Variants in TAFA1 observed in about 807,000 individuals in gnomAD.
The protein encoded by TAFA1 is chemokine-like protein TAFA-1.
TAFA1 carries 4 observed loss-of-function variants against 18.5 expected under a neutral mutation model. The ratio of observed to expected loss-of-function variants is 0.22; its 90% CI spans 0.11 to 0.49. TAFA1 has a LOEUF of 0.49. TAFA1 is among the 20% of genes least tolerant of loss of function. The pLI is 0.98. For synonymous variants in TAFA1, 56 were observed against 55.2 expected, an observed-to-expected ratio of 1.01 and a Z score of -0.06; for missense variants, 147 against 169.0, an observed-to-expected ratio of 0.87 and a Z score of 0.72.
chr3:68,291,196 C>T (rs1164903666), intron 2 of TAFA1, among the ~76,000 whole-genome samples: 2 of 152,116 alleles, frequency 1.3e-5, no homozygotes, highest in Non-Finnish European at 2.9e-5. Flanking sequence ...ATAACTTCAG[C>T]TCACATTAAA....
intron 2 of TAFA1, among the ~76,000 whole-genome samples, chr3:68,051,435 G>T (rs1472390120): frequency 6.6e-6 from 1 of 152,084 alleles, no homozygotes; most frequent in Non-Finnish European, 1.5e-5. Context: ...GGGCAATTTT[G>T]CCACCTAGGG....
intron 3 of TAFA1, among the ~76,000 whole-genome samples, chr3:68,421,543 CTGATAGAATGACATTTT>C (rs1575852181): frequency 1.3e-5 from 2 of 152,150 alleles, no homozygotes. Flanking sequence ...GTACCTATTA[CTGATAGAATGACATTTT>C]TGATAGAATG....
At chr3:68,218,272 G>C (rs929301411) in intron 2 of TAFA1, among the ~76,000 whole-genome samples, 1 of 152,080 alleles carries the variant, frequency 6.6e-6, no homozygotes, top group Non-Finnish European at 1.5e-5. Flanking sequence ...ACAGCTTTAA[G>C]AAATAAATGA....
intron 2 of TAFA1, among the ~76,000 whole-genome samples, chr3:68,189,844 TG>T (rs1232709020): frequency 6.6e-6 from 1 of 151,920 alleles, no homozygotes; most frequent in African/African-American, 2.4e-5. Flanking sequence ...CCGTTAATAT[TG>T]CTGTTGTCAC....
chr3:68,502,433 A>G (rs2072674403), intron 3 of TAFA1, among the ~76,000 whole-genome samples: 1 of 152,146 alleles, frequency 6.6e-6, no homozygotes. Context: ...TTTGGGCATT[A>G]ATATCCTAAT....
At chr3:68,211,410 A>G (rs928074940) in intron 2 of TAFA1, among the ~76,000 whole-genome samples, 11 of 152,062 alleles carry the variant, frequency 7.2e-5, no homozygotes, top group Non-Finnish European at 1.5e-5. Flanking sequence ...TAATGCCTTC[A>G]TTTTCATAAT....
At chr3:68,532,093 T>A (rs1015627231) in intron 3 of TAFA1, among the ~76,000 whole-genome samples, 1 of 152,126 alleles carries the variant, frequency 6.6e-6, no homozygotes, top group East Asian at 1.9e-4. Context: ...GGACAACAGA[T>A]CCACAGAGGA....
rs149303820 is a variant in TAFA1 at position 68,014,535 on chromosome 3, C to T, written c.118+7791C>T. On this transcript the variant is annotated intron_variant, in intron 2 of 4. Coordinates refer to ENST00000478136, the MANE Select transcript of TAFA1 (RefSeq NM_213609.4). ...CAAATTGCAAAGCTCCAGATGAGAG[C>T]GTGGGAAGGAATTCAACAATTTTCA... Among the ~76,000 whole-genome samples the T allele has an allele frequency of 1.4e-3, 213 of 152,150 alleles. 1 individual carries two copies. The highest frequency in any genetic ancestry group is 4.6e-3 in the African/African-American group (190 of 41,530).
intron 3 of TAFA1, among the ~76,000 whole-genome samples, chr3:68,529,350 C>G (rs2073154371): frequency 6.7e-6 from 1 of 148,202 alleles, no homozygotes; most frequent in African/African-American, 2.5e-5. Flanking sequence ...CTTCTTCCAT[C>G]TTACACACTA....
At chr3:68,508,337 A>G (rs777630584) in intron 3 of TAFA1, among the ~76,000 whole-genome samples, 2 of 152,038 alleles carry the variant, frequency 1.3e-5, no homozygotes, top group Non-Finnish European at 2.9e-5. Context: ...CATGCAGTCC[A>G]TAACTACCTG....
chr3:68,219,605 C>A (rs2066705273), intron 2 of TAFA1, among the ~76,000 whole-genome samples: 1 of 152,082 alleles, frequency 6.6e-6, no homozygotes, highest in Non-Finnish European at 1.5e-5. Context: ...TCACATAGGG[C>A]TGTTTGCTTT....
intron 3 of TAFA1, among the ~76,000 whole-genome samples, chr3:68,429,481 T>C (rs1376240644): frequency 6.6e-6 from 1 of 151,766 alleles, no homozygotes; most frequent in East Asian, 1.9e-4. Flanking sequence ...CTGGAAATAA[T>C]GGGCAGAAGA....
At chr3:68,285,463 C>CAT (rs571252912) in intron 2 of TAFA1, among the ~76,000 whole-genome samples, 5 of 151,426 alleles carry the variant, frequency 3.3e-5, no homozygotes, top group African/African-American at 4.9e-5. Flanking sequence ...TATATAGCAA[C>CAT]ATATATATAT....
rs752597708 is a variant in TAFA1 at position 68,499,446 on chromosome 3, C to CTTTT, written c.260-39295_260-39292dup. On this transcript the variant is annotated intron_variant, in intron 3 of 4. Coordinates refer to ENST00000478136, the MANE Select transcript of TAFA1 (RefSeq NM_213609.4). ...GTTTTCTTTCTTTCTGTGTTCCTTT[C>CTTTT]TTTTTTTTTTTTTTTTTTGAGAAGA... Among the ~76,000 whole-genome samples the CTTTT allele has an allele frequency of 4.0e-3, 454 of 112,124 alleles. 8 individuals carry two copies. Among genetic ancestry groups the CTTTT allele is most frequent in the East Asian group, 0.011 (44 of 4,018 alleles). The allele number at this position is 112,124 out of a possible 152,430, so 73.6% of individuals were successfully genotyped here.
At chr3:68,047,280 T>C (rs1460822224) in intron 2 of TAFA1, among the ~76,000 whole-genome samples, 1 of 152,166 alleles carries the variant, frequency 6.6e-6, no homozygotes, top group Non-Finnish European at 1.5e-5. Context: ...GATGTTGACA[T>C]AGACCCACAT....
intron 3 of TAFA1, among the ~76,000 whole-genome samples, chr3:68,528,368 G>A (rs767900767): frequency 6.6e-6 from 1 of 152,110 alleles, no homozygotes; most frequent in Non-Finnish European, 1.5e-5. Flanking sequence ...TCCCTCTATC[G>A]CATACCCAAG....
the TAFA1 span, among the ~76,000 whole-genome samples, chr3:67,998,341 A>G: frequency 6.6e-6 from 1 of 152,184 alleles, no homozygotes; most frequent in Non-Finnish European, 1.5e-5. Flanking sequence ...CAACATTATA[A>G]TTATGCCCTC....
chr3:68,147,499 C>T (rs1255513680), intron 2 of TAFA1, among the ~76,000 whole-genome samples: 1 of 152,062 alleles, frequency 6.6e-6, no homozygotes, highest in Non-Finnish European at 1.5e-5. Flanking sequence ...TCTAGGGCCA[C>T]TTAATATGTT....
At chr3:68,197,365 G>A (rs2066422477) in intron 2 of TAFA1, among the ~76,000 whole-genome samples, 1 of 151,596 alleles carries the variant, frequency 6.6e-6, no homozygotes, top group South Asian at 2.1e-4. Context: ...TGGAGTATTT[G>A]CCTTTATAAG....
Sources: gnomAD v4.1 joint callset for allele counts (sites outside exome capture counted in the v4.1 genomes callset) on GRCh38, gnomAD v4.1.1 for gene constraint, MANE v1.5 for transcripts, NCBI Gene and HGNC (gene_info 2026-07-23, HGNC 2026-07-21) for gene names.